Variants in FUT8 observed in about 807,000 individuals in gnomAD.
FUT8 encodes fucosyltransferase 8.
A neutral mutation model predicts 71.3 loss-of-function variants in FUT8; 29 were observed. The ratio of observed to expected loss-of-function variants is 0.41; its 90% CI spans 0.30 to 0.55. FUT8 has a LOEUF of 0.55. Ranked by LOEUF, FUT8 falls within the 20% of genes least tolerant of loss-of-function variation. The probability of loss-of-function intolerance (pLI) is 0.34; values close to 1 mark genes in which losing one functional copy is unlikely to be tolerated. For synonymous variants in FUT8, 254 were observed against 239.3 expected (o/e 1.06, Z -0.57); for missense variants, 544 against 702.1 (o/e 0.77, Z 2.55).
rs750909139 is a variant in FUT8, at chr14:65,733,290, A to G, written c.1319A>G (p.Asn440Ser). The G allele has an allele frequency of 3.7e-5, 59 of 1,609,190 alleles. No individual in the cohort carries two copies. In the East Asian group the frequency reaches 5.8e-4, roughly 16 times the overall value. ...ATTTCCTGGTCAGCTGGACTGCACA[A>G]TCGATACACAGAAAATTCACTTCGT... ...NSISWSAGLH[N>S]RYTENSLRGV... The change falls in exon 10 of 11, where the codon AAT (asparagine) becomes AGT (serine). Residue 440 changes from asparagine to serine, a missense_variant. By Grantham distance (46) the Asn-to-Ser change is conservative. Transcript: ENST00000673929.
intron 7 of FUT8, among the ~76,000 whole-genome samples, chr14:65,693,320 C>T (rs1005404896): frequency 1.9e-4 from 29 of 152,370 alleles, no homozygotes; most frequent in South Asian, 8.3e-4. Flanking sequence ...GCCCAGCCAA[C>T]ACAGCGAAAC....
chr14:65,601,348 T>C (rs1294412741), intron 3 of FUT8, among the ~76,000 whole-genome samples: 26 of 152,168 alleles, frequency 1.7e-4, no homozygotes, highest in Admixed American at 1.7e-3. Flanking sequence ...TTTGTTGTGC[T>C]TTTGCTGGGA....
chr14:65,733,125 TA>T (rs1896057060), intron 9 of FUT8, 105 bp from the exon 10 acceptor site: 1 of 669,114 alleles, frequency 1.5e-6, no homozygotes, highest in Non-Finnish European at 2.4e-6. Flanking sequence ...ATGCCATAAT[TA>T]AAGGTCTCCT....
intron 2 of FUT8, among the ~76,000 whole-genome samples, chr14:65,560,530 A>T (rs1380587584): frequency 6.6e-6 from 1 of 152,126 alleles, no homozygotes. Context: ...TCTCCTGGGG[A>T]GAAAATAGTT....
chr14:65,651,827 T>C (rs1891423926), intron 6 of FUT8, among the ~76,000 whole-genome samples: 1 of 152,128 alleles, frequency 6.6e-6, no homozygotes, highest in Admixed American at 6.5e-5. Context: ...CAATATAAAT[T>C]ATGCAGTCTG....
chr14:65,698,228 C>T (rs1353720843), intron 7 of FUT8, among the ~76,000 whole-genome samples: 2 of 152,142 alleles, frequency 1.3e-5, no homozygotes, highest in Non-Finnish European at 2.9e-5. Context: ...TTAACCATAA[C>T]TTCTTACATT....
chr14:65,736,037 A>G (rs1896199197), intron 10 of FUT8, among the ~76,000 whole-genome samples: 1 of 152,136 alleles, frequency 6.6e-6, no homozygotes, highest in South Asian at 2.1e-4. Context: ...GAAAGAGGCA[A>G]CCTGTGCTGT....
At chr14:65,707,185 T>C (rs1894596956) in intron 7 of FUT8, among the ~76,000 whole-genome samples, 1 of 152,224 alleles carries the variant, frequency 6.6e-6, no homozygotes. Flanking sequence ...ATTGTCTTTT[T>C]GGTAATAGCT....
intron 2 of FUT8, among the ~76,000 whole-genome samples, chr14:65,497,476 A>G (rs1234226912): frequency 6.6e-6 from 1 of 152,162 alleles, no homozygotes. Context: ...CTTATTCTCT[A>G]TGAAGTTTTT....
chr14:65,730,987 T>C (rs987271207), intron 9 of FUT8, among the ~76,000 whole-genome samples: 2 of 152,204 alleles, frequency 1.3e-5, no homozygotes, highest in African/African-American at 2.4e-5. Flanking sequence ...AGTAGGTACA[T>C]TGAAATGAAT....
At chr14:65,614,671 A>G (rs946145014) in intron 3 of FUT8, among the ~76,000 whole-genome samples, 3 of 152,214 alleles carry the variant, frequency 2.0e-5, no homozygotes, top group African/African-American at 7.2e-5. Context: ...CAAAGCTAAC[A>G]GCCACATAAC....
At chr14:65,396,275 C>G in the FUT8 span, among the ~76,000 whole-genome samples, 1 of 152,196 alleles carries the variant, frequency 6.6e-6, no homozygotes, top group East Asian at 1.9e-4. This position sits in a 1 kb window ranked among gnomAD's most constrained non-coding sequence, Gnocchi z 5.5. Flanking sequence ...TAGCCGCACC[C>G]CACTCTTGGT....
chr14:65,457,522 T>C (rs1594650811), intron 2 of FUT8, among the ~76,000 whole-genome samples: 1 of 152,142 alleles, frequency 6.6e-6, no homozygotes, highest in Admixed American at 6.5e-5. Flanking sequence ...CACCGAGTTA[T>C]AGAAGGAAGG....
intron 2 of FUT8, among the ~76,000 whole-genome samples, chr14:65,549,886 C>A (rs1885191125): frequency 6.6e-6 from 1 of 152,062 alleles, no homozygotes; most frequent in African/African-American, 2.4e-5. Flanking sequence ...ACAGTGAAAA[C>A]CTGTCTCTAC....
chr14:65,563,025 C>G (rs1885997725), intron 3 of FUT8, among the ~76,000 whole-genome samples: 1 of 151,892 alleles, frequency 6.6e-6, no homozygotes, highest in South Asian at 2.1e-4. Flanking sequence ...CTTTTATGTC[C>G]TTTGAAAGAC....
rs2140189721 is a variant in FUT8, at chr14:65,607,975, G to T, written c.204-8003G>T. 6.8e-6 allele frequency among the ~76,000 whole-genome samples: 1 copy of T among 147,026 alleles called. No individual in the cohort carries two copies. Among genetic ancestry groups the T allele is most frequent in the South Asian group, 2.1e-4 (1 of 4,660 alleles). The stretch of plus-strand genomic sequence containing the variant: ...AGCTACTTGGGAAGCTGAGGCAGGA[G>T]AATCACTTGAACCCGGGAGGCAGAG... On this transcript the variant is annotated intron_variant, in intron 3 of 10. Transcript: ENST00000673929. The surrounding 1 kb of genome is among the most constrained non-coding windows in gnomAD (Gnocchi z 4.1).
chr14:65,735,967 G>A (rs988833065), intron 10 of FUT8, among the ~76,000 whole-genome samples: 1 of 152,090 alleles, frequency 6.6e-6, no homozygotes, highest in Non-Finnish European at 1.5e-5. Context: ...CCAATAGAGC[G>A]TGAGAAAAAG....
chr14:65,566,136 A>C (rs10143920), intron 3 of FUT8, among the ~76,000 whole-genome samples: 1 of 151,992 alleles, frequency 6.6e-6, no homozygotes, highest in South Asian at 2.1e-4. Flanking sequence ...CCTCACTTAC[A>C]TATTTGGCAA....
chr14:65,669,427 C>A lies in FUT8; in HGVS notation c.782C>A (p.Pro261His). 2 of 1,613,716 alleles carry A rather than the reference C, an allele frequency of 1.2e-6. No individual in the cohort carries two copies. Among genetic ancestry groups the A allele is most frequent in the South Asian group, 1.1e-5 (1 of 91,074 alleles). The part of the protein sequence containing the change: ...ATGGWETVFR[P>H]VSETCTDRSG... ...GGTGGATGGGAGACTGTATTTAGGC[C>A]TGTAAGTGAGACATGCACAGACAGA... Residue 261 changes from proline to histidine, a missense_variant, in exon 7 of 11, where the codon CCT becomes CAT. By Grantham distance (77) the Pro-to-His change is moderately conservative. Coordinates refer to ENST00000673929, the MANE Select transcript of FUT8 (RefSeq NM_001371533.1). The surrounding 1 kb of genome is among the most constrained non-coding windows in gnomAD (Gnocchi z 4.5).
Sources: gnomAD v4.1 joint callset for allele counts (sites outside exome capture counted in the v4.1 genomes callset) on GRCh38, gnomAD v4.1.1 for gene constraint, Gnocchi (gnomAD v3.1) non-coding constraint, MANE v1.5 for transcripts, NCBI Gene and HGNC (gene_info 2026-07-23, HGNC 2026-07-21) for gene names.